The following RBPMS variants were observed in gnomAD, a reference collection of about 807,000 sequenced individuals.
RBPMS encodes RNA-binding protein with multiple splicing.
RBPMS carries 7 observed loss-of-function variants against 26.8 expected under a neutral mutation model. That is an observed-to-expected ratio of 0.26 (90% CI 0.15 to 0.49). The LOEUF (loss-of-function observed/expected upper bound fraction) is 0.49. Among genes scored for constraint, RBPMS ranks in the 20% least tolerant of loss-of-function variants. The probability of loss-of-function intolerance (pLI) is 0.98; values close to 1 mark genes in which losing one functional copy is unlikely to be tolerated. For synonymous variants in RBPMS, 96 were observed against 93.3 expected, an observed-to-expected ratio of 1.03 and a Z score of -0.17; for missense variants, 186 against 250.0, an observed-to-expected ratio of 0.74 and a Z score of 1.73.
At chr8:30,410,437 T>C (rs1188495823) in intron 1 of RBPMS, among the ~76,000 whole-genome samples, 1 of 152,042 alleles carries the variant, frequency 6.6e-6, no homozygotes, top group Non-Finnish European at 1.5e-5. Flanking sequence ...CTTGATCTCC[T>C]GACCTTGTCA....
chr8:30,533,376 C>G (rs1001061500), intron 5 of RBPMS, among the ~76,000 whole-genome samples: 1 of 152,074 alleles, frequency 6.6e-6, no homozygotes, highest in Non-Finnish European at 1.5e-5. Flanking sequence ...AAAATTTAAT[C>G]CAAGGGCACC....
At chr8:30,556,899 C>G (rs113709049) in intron 6 of RBPMS, 1 of 353,544 alleles carries the variant, frequency 2.8e-6, no homozygotes, top group African/African-American at 2.2e-5. Context: ...ATCTTCCCCA[C>G]TCTTGCCCTC....
At chr8:30,545,196 G>A in intron 6 of RBPMS, 1 of 1,292,516 alleles carries the variant, frequency 7.7e-7, no homozygotes, top group Non-Finnish European at 1.0e-6. Context: ...ACAAGATAGT[G>A]TCTAAGATGG....
intron 4 of RBPMS, among the ~76,000 whole-genome samples, chr8:30,485,051 G>C (rs1380202359): frequency 2.6e-5 from 4 of 152,182 alleles, no homozygotes; most frequent in Admixed American, 2.6e-4. Context: ...CCTATATCAT[G>C]AATGTATTTT....
At chr8:30,450,043 A>G (rs189957201) in intron 1 of RBPMS, among the ~76,000 whole-genome samples, 1 of 152,348 alleles carries the variant, frequency 6.6e-6, no homozygotes, top group Non-Finnish European at 1.5e-5. Flanking sequence ...AAATGAAGGT[A>G]TTAAACGGCT....
intron 1 of RBPMS, among the ~76,000 whole-genome samples, chr8:30,387,535 C>A (rs1807253684): frequency 6.6e-6 from 1 of 152,088 alleles, no homozygotes; most frequent in East Asian, 1.9e-4. Context: ...TGCTCTTAAG[C>A]ACATTTAAAA....
intron 5 of RBPMS, among the ~76,000 whole-genome samples, chr8:30,513,517 G>A: frequency 6.7e-6 from 1 of 148,836 alleles, no homozygotes; most frequent in Admixed American, 6.8e-5. Context: ...TAAACCCAGA[G>A]GCAGAGCTTG....
intron 1 of RBPMS, among the ~76,000 whole-genome samples, chr8:30,410,851 C>G (rs988142299): frequency 7.2e-5 from 11 of 151,782 alleles, no homozygotes; most frequent in African/African-American, 2.4e-4. Flanking sequence ...TCTTCCTACC[C>G]CAGCCTCCTG....
At chr8:30,559,224 A>G (rs28471983) in intron 7 of RBPMS, among the ~76,000 whole-genome samples, 3,927 of 152,326 alleles carry the variant, frequency 0.026, 173 homozygotes, top group African/African-American at 0.09. Flanking sequence ...AGTCAGTGCT[A>G]ATTTCTGTAG....
chr8:30,484,312 TCACA>T (rs1818567286), intron 4 of RBPMS, among the ~76,000 whole-genome samples: 1 of 152,220 alleles, frequency 6.6e-6, no homozygotes, highest in African/African-American at 2.4e-5. Flanking sequence ...TGTAGGAATT[TCACA>T]TGACTTAAAA....
chr8:30,417,567 C>T (rs145188203), intron 1 of RBPMS, among the ~76,000 whole-genome samples: 1 of 152,288 alleles, frequency 6.6e-6, no homozygotes, highest in East Asian at 1.9e-4. Context: ...ATCCAGTAAA[C>T]AATGCCATGT....
At chr8:30,435,755 C>T (rs1047004720) in intron 1 of RBPMS, among the ~76,000 whole-genome samples, 14 of 152,132 alleles carry the variant, frequency 9.2e-5, no homozygotes, top group Non-Finnish European at 2.1e-4. Context: ...CTTGAAGAGT[C>T]TTCAAAGATA....
At chr8:30,442,367 C>T (rs901255359) in intron 1 of RBPMS, among the ~76,000 whole-genome samples, 2 of 152,134 alleles carry the variant, frequency 1.3e-5, no homozygotes, top group African/African-American at 4.8e-5. Context: ...CACCTTGGCC[C>T]TTCGTTTTGT....
intron 5 of RBPMS, among the ~76,000 whole-genome samples, chr8:30,534,080 G>A (rs1824546752): frequency 6.6e-6 from 1 of 151,676 alleles, no homozygotes; most frequent in Non-Finnish European, 1.5e-5. Context: ...GTTGCAGTGA[G>A]CCGAAATTGC....
At chr8:30,410,564 GTA>G (rs1436082478) in intron 1 of RBPMS, among the ~76,000 whole-genome samples, 5 of 150,566 alleles carry the variant, frequency 3.3e-5, no homozygotes, top group African/African-American at 1.2e-4. Flanking sequence ...AGGTGTGTGT[GTA>G]TGTGTGTGTG....
intron 6 of RBPMS, among the ~76,000 whole-genome samples, chr8:30,557,831 A>G (rs1326618231): frequency 6.6e-6 from 1 of 152,224 alleles, no homozygotes; most frequent in Non-Finnish European, 1.5e-5. Flanking sequence ...GGATGCCGTT[A>G]AAGACAAACG....
At chr8:30,438,497 G>A (rs1288106742) in intron 1 of RBPMS, among the ~76,000 whole-genome samples, 1 of 152,170 alleles carries the variant, frequency 6.6e-6, no homozygotes, top group African/African-American at 2.4e-5. Context: ...AAGCTTAACT[G>A]ACTACCTCTA....
Position 30,489,314 on chromosome 8 carries a change from AG to A in RBPMS, c.246+9939del, listed in dbSNP as rs1819126001. On this transcript the variant is annotated intron_variant, in intron 4 of 8. Coordinates refer to ENST00000397323, the MANE Select transcript of RBPMS (RefSeq NM_001008710.3). ...TCTCACCTCAGCTTTGCAGAGTGTT[AG>A]GATTATAGCTGTGAGCCATTGCGCC... Among the ~76,000 whole-genome samples the A allele has an allele frequency of 2.0e-5, 3 of 152,016 alleles. No homozygotes were observed. The South Asian group carries it at 6.2e-4, about 32-fold the overall frequency.
At chr8:30,385,871 T>C (rs936223109) in intron 1 of RBPMS, among the ~76,000 whole-genome samples, 1 of 152,206 alleles carries the variant, frequency 6.6e-6, no homozygotes, top group Non-Finnish European at 1.5e-5. Flanking sequence ...GTAATCATGA[T>C]GAAAGTTTTG....
Sources: allele counts gnomAD v4.1 joint callset (sites outside exome capture counted in the v4.1 genomes callset), GRCh38; gene constraint gnomAD v4.1.1; transcripts MANE v1.5; gene names NCBI Gene and HGNC (gene_info 2026-07-23, HGNC 2026-07-21).